Variants in CNTN5 observed in about 807,000 individuals in gnomAD.
The protein encoded by CNTN5 is contactin-5.
Under a neutral mutation model 129.1 loss-of-function variants are expected in CNTN5, and 77 were observed. The ratio of observed to expected loss-of-function variants is 0.60; its 90% CI spans 0.50 to 0.72. CNTN5 has a LOEUF of 0.72. Among genes scored for constraint, CNTN5 ranks in the 30% least tolerant of loss-of-function variants. The pLI, the probability that CNTN5 is intolerant of heterozygous loss-of-function variation, is 0.00. For synonymous variants in CNTN5, 509 were observed against 465.6 expected, an observed-to-expected ratio of 1.09 and a Z score of -1.20; for missense variants, 1,478 against 1,328.8, an observed-to-expected ratio of 1.11 and a Z score of -1.75.
rs529053498 is a variant in CNTN5 at position 99,176,516 on chromosome 11, A to G, written c.-209-148830A>G. ...CAAATAATTTTCCTTCCAGATTTTTATCTCCTCCTGTTAGACTTCCCCATT... is the reference window on the plus strand; with the variant it reads ...CAAATAATTTTCCTTCCAGATTTTTGTCTCCTCCTGTTAGACTTCCCCATT... On this transcript the variant is annotated intron_variant, in intron 1 of 24. Coordinates refer to ENST00000524871, the MANE Select transcript of CNTN5 (RefSeq NM_014361.4). Among the ~76,000 whole-genome samples the G allele has an allele frequency of 5.9e-5, 9 of 152,280 alleles. No homozygotes were observed. In the South Asian group the frequency reaches 1.7e-3, roughly 28 times the overall value.
rs139219493 is a variant in CNTN5, at chr11:99,473,363, C to A, written c.-70-82782C>A. ...ACAAGTAAAACATATAATAATAATG[C>A]TAGAATTAAAATATAGCTTAAAGCA... On this transcript the variant is annotated intron_variant, in intron 2 of 24. Transcript: ENST00000524871. Among the ~76,000 whole-genome samples, 510 of 152,132 alleles carry A rather than the reference C, an allele frequency of 3.4e-3. 4 individuals are homozygous for A. Among genetic ancestry groups the A allele is most frequent in the African/African-American group, 0.012 (485 of 41,508 alleles).
chr11:100,034,661 T>G (rs989456759), intron 9 of CNTN5, among the ~76,000 whole-genome samples: 1 of 152,204 alleles, frequency 6.6e-6, no homozygotes, highest in East Asian at 1.9e-4. Context: ...CATTTACTTG[T>G]GTATTATTGG....
At chr11:99,556,435 T>A (rs1948667456) in intron 3 of CNTN5, among the ~76,000 whole-genome samples, 166 bp downstream of exon 3, 1 of 150,698 alleles carries the variant, frequency 6.6e-6, no homozygotes, top group South Asian at 2.1e-4. Flanking sequence ...CTGTTAACAT[T>A]GCAAAATGCC....
rs573483967 is a variant in CNTN5, at chr11:99,142,159, C to T, written c.-210+120889C>T. 3.3e-5 allele frequency among the ~76,000 whole-genome samples: 5 copies of T among 152,218 alleles called. No individual in the cohort carries two copies. The East Asian group carries it at 9.7e-4, about 30-fold the overall frequency. On this transcript the variant is annotated intron_variant, in intron 1 of 24. Transcript: ENST00000524871. ...CCAGGCCCACACCTTTGTTCTCTGG[C>T]TTCTTGAGGGTAAGCACCTGTTGCA...
At chr11:100,061,773 T>C (rs1192402367) in intron 10 of CNTN5, among the ~76,000 whole-genome samples, 1 of 152,188 alleles carries the variant, frequency 6.6e-6, no homozygotes, top group Non-Finnish European at 1.5e-5. Context: ...CCAGGTGCCA[T>C]TTTTTGTAAA....
chr11:99,134,579 C>T (rs186626660), intron 1 of CNTN5, among the ~76,000 whole-genome samples: 140 of 152,258 alleles, frequency 9.2e-4, no homozygotes, highest in African/African-American at 3.2e-3. Context: ...AAATTTGGCA[C>T]TGTGGATCAA....
At chr11:100,323,643 C>T (rs952996605) in intron 21 of CNTN5, among the ~76,000 whole-genome samples, 2 of 124,502 alleles carry the variant, frequency 1.6e-5, no homozygotes, top group Admixed American at 8.4e-5. Context: ...TCCTCCCCCC[C>T]CCTTCTTTTC....
At chr11:100,209,915 T>C (rs757894615) in intron 15 of CNTN5, among the ~76,000 whole-genome samples, 1 of 152,226 alleles carries the variant, frequency 6.6e-6, no homozygotes, top group Non-Finnish European at 1.5e-5. Context: ...CTGACTTTGC[T>C]GCAGAGCTTA....
chr11:99,530,009 T>G (rs568264667), intron 2 of CNTN5, among the ~76,000 whole-genome samples: 25 of 152,306 alleles, frequency 1.6e-4, no homozygotes, highest in African/African-American at 5.3e-4. Context: ...ATAAAACATT[T>G]AAGGAAAGCA....
At chr11:99,137,149 G>T (rs1249222462) in intron 1 of CNTN5, among the ~76,000 whole-genome samples, 1 of 152,072 alleles carries the variant, frequency 6.6e-6, no homozygotes, top group Non-Finnish European at 1.5e-5. Context: ...AGTGATGTGG[G>T]AATGACCCTT....
chr11:99,154,734 G>C (rs935492865), intron 1 of CNTN5, among the ~76,000 whole-genome samples: 2 of 152,168 alleles, frequency 1.3e-5, no homozygotes, highest in Non-Finnish European at 2.9e-5. Flanking sequence ...AAGCACCCAG[G>C]TTGGACATCT....
intron 1 of CNTN5, among the ~76,000 whole-genome samples, chr11:99,224,119 G>A (rs1274058097): frequency 3.9e-5 from 6 of 152,068 alleles, no homozygotes; most frequent in Admixed American, 1.3e-4. Context: ...ATAAATGCCC[G>A]ATAGAAGGAC....
At position 99,819,595 on chromosome 11, in the gene CNTN5, G is replaced by C. The variant is rs202004805; in HGVS notation, c.107G>C (p.Arg36Thr). ...GLSTSYAALL[R>T]IKKSSSSSLF... ...TCCACTTCATATGCTGCTTTGTTAA[G>C]AATTAAGAAGAGTTCATCTTCATCT... The change falls in exon 4 of 25, where the codon AGA (arginine) becomes ACA (threonine). Residue 36 changes from arginine (R) to threonine (T), a missense_variant. Transcript: ENST00000524871. 1.2e-6 allele frequency: 2 copies of C among 1,612,878 alleles called. No individual in the cohort carries two copies. The highest frequency in any genetic ancestry group is 1.7e-6 in the Non-Finnish European group (2 of 1,179,786).
rs77024623 is a variant in CNTN5, at chr11:99,357,475, C to T, written c.-71+31991C>T. ...CTTTGCAAGCTTGAAAACACACACA[C>T]GCTCCTCCCCACCCCCACCACACAC... is the stretch of plus-strand genomic sequence containing the variant. On this transcript the variant is annotated intron_variant, in intron 2 of 24. Coordinates refer to ENST00000524871, the MANE Select transcript of CNTN5 (RefSeq NM_014361.4). Among the ~76,000 whole-genome samples, 1,104 of 151,998 alleles carry T rather than the reference C, an allele frequency of 7.3e-3. 63 individuals carry two copies. In the East Asian group the frequency reaches 0.12, roughly 17 times the overall value.
intron 2 of CNTN5, among the ~76,000 whole-genome samples, chr11:99,419,778 A>C (rs1942808403): frequency 6.6e-6 from 1 of 152,150 alleles, no homozygotes; most frequent in Non-Finnish European, 1.5e-5. Flanking sequence ...TATTTGTTTC[A>C]CAGTCTTTCT....
At chr11:100,257,515 G>A (rs1565377548) in intron 17 of CNTN5, among the ~76,000 whole-genome samples, 1 of 152,144 alleles carries the variant, frequency 6.6e-6, no homozygotes, top group Admixed American at 6.5e-5. Context: ...GCAGGGAGTT[G>A]TCACCGACAC....
chr11:99,467,684 T>A (rs2135261853), intron 2 of CNTN5, among the ~76,000 whole-genome samples: 1 of 152,264 alleles, frequency 6.6e-6, no homozygotes, highest in South Asian at 2.1e-4. Flanking sequence ...TTCTGCAGGA[T>A]TGGGCAGGCT....
At chr11:99,715,563 T>C (rs192057428) in intron 3 of CNTN5, among the ~76,000 whole-genome samples, 2 of 152,056 alleles carry the variant, frequency 1.3e-5, no homozygotes, top group African/African-American at 2.4e-5. Context: ...TTATGGCCTG[T>C]ATAGTTTCAA....
At chr11:100,116,172 C>G (rs935411921) in intron 13 of CNTN5, among the ~76,000 whole-genome samples, 4 of 151,980 alleles carry the variant, frequency 2.6e-5, no homozygotes, top group African/African-American at 9.7e-5. Context: ...CATATGAGAT[C>G]CATCAGTACC....
Sources: gnomAD v4.1 joint callset for allele counts (sites outside exome capture counted in the v4.1 genomes callset) on GRCh38, gnomAD v4.1.1 for gene constraint, MANE v1.5 for transcripts, NCBI Gene and HGNC (gene_info 2026-07-23, HGNC 2026-07-21) for gene names.